LRRN2: variants seen among roughly 807,000 people sequenced by gnomAD.
LRRN2 encodes leucine-rich repeat neuronal protein 2.
In LRRN2, 10 loss-of-function variants were observed where a neutral mutation model predicts 35.7. That is an observed-to-expected ratio of 0.28 (90% CI 0.17 to 0.47). The LOEUF (loss-of-function observed/expected upper bound fraction) is 0.47, where lower values mean the gene tolerates loss of function less well. LRRN2 is among the 20% of genes least tolerant of loss of function. LRRN2 has a pLI of 0.99. For missense variants in LRRN2, 731 were observed against 940.3 expected (o/e 0.78, Z 2.91); for synonymous variants, 391 against 409.6 (o/e 0.95, Z 0.55).
At chr1:204,630,811 T>G (rs1255736143) in intron 1 of LRRN2, among the ~76,000 whole-genome samples, 1 of 152,044 alleles carries the variant, frequency 6.6e-6, no homozygotes, top group African/African-American at 2.4e-5. Context: ...CAGAGGCTGC[T>G]TCCTGCCTTC....
intron 1 of LRRN2, among the ~76,000 whole-genome samples, chr1:204,659,985 C>T (rs765789225): frequency 2.6e-5 from 4 of 152,168 alleles, no homozygotes; most frequent in Non-Finnish European, 4.4e-5. Context: ...TATTGGTTTG[C>T]CCCATTCACT....
intron 1 of LRRN2, among the ~76,000 whole-genome samples, chr1:204,659,446 G>A (rs767520310): frequency 6.6e-6 from 1 of 152,170 alleles, no homozygotes; most frequent in Non-Finnish European, 1.5e-5. Context: ...CTCCAGCTCA[G>A]AGGAGGAGGA....
At chr1:204,635,889 C>T (rs971433283) in intron 1 of LRRN2, among the ~76,000 whole-genome samples, 20 of 152,208 alleles carry the variant, frequency 1.3e-4, no homozygotes, top group African/African-American at 4.8e-4. Flanking sequence ...GGACGAGCAT[C>T]GCTGCAGGGA....
At chr1:204,625,876 T>G (rs939721875) in intron 1 of LRRN2, among the ~76,000 whole-genome samples, 53 of 152,172 alleles carry the variant, frequency 3.5e-4, no homozygotes, top group Non-Finnish European at 4.7e-4. Context: ...CTTTCTAGAG[T>G]TCCCGTATCT....
chr1:204,652,814 A>G (rs1668264455), intron 1 of LRRN2, among the ~76,000 whole-genome samples: 1 of 152,220 alleles, frequency 6.6e-6, no homozygotes. Context: ...CAATGCAGGC[A>G]GCTGGGTCTG....
chr1:204,661,158 G>T (rs1668463993), intron 1 of LRRN2, among the ~76,000 whole-genome samples: 1 of 152,196 alleles, frequency 6.6e-6, no homozygotes, highest in Non-Finnish European at 1.5e-5. Flanking sequence ...TGGAAGAGGA[G>T]TTGTTTGTAC....
At position 204,618,799 on chromosome 1, in the gene LRRN2, C is replaced by A; in HGVS notation, c.1194G>T (p.Ala398=). ...GGAGGCGCTGGAGGTCCGGAGGCTC[C>A]GCACACAGGGTGGATTGCGGCTCGA... is the stretch of plus-strand genomic sequence containing the variant. ...RFIEPQSTLC[A]EPPDLQRLPV... is the part of the protein sequence containing the mutation. Residue 398 remains alanine (A), a synonymous_variant, in exon 2 of 2, where the codon GCG becomes GCT. Transcript: ENST00000367177. 1 of 1,614,058 alleles carries A rather than the reference C, an allele frequency of 6.2e-7. No individual in the cohort carries two copies. Among genetic ancestry groups the A allele is most frequent in the Non-Finnish European group, 8.5e-7 (1 of 1,180,026 alleles).
At chr1:204,658,047 G>A (rs1331401110) in intron 1 of LRRN2, among the ~76,000 whole-genome samples, 2 of 139,410 alleles carry the variant, frequency 1.4e-5, no homozygotes, top group African/African-American at 2.7e-5. Flanking sequence ...GCGTAATCTC[G>A]GCTCACTGTA....
intron 1 of LRRN2, among the ~76,000 whole-genome samples, chr1:204,684,985 G>T (rs1033838227): frequency 6.6e-6 from 1 of 152,190 alleles, no homozygotes. Context: ...CAGTTTGGGG[G>T]AGGTTCTGGC....
chr1:204,684,954 G>A (rs1003738294), intron 1 of LRRN2, among the ~76,000 whole-genome samples: 1 of 152,198 alleles, frequency 6.6e-6, no homozygotes, highest in African/African-American at 2.4e-5. Flanking sequence ...CACATCTCCA[G>A]GGCCCCACTC....
At chr1:204,672,089 A>G (rs1447805321) in intron 1 of LRRN2, among the ~76,000 whole-genome samples, 1 of 152,220 alleles carries the variant, frequency 6.6e-6, no homozygotes, top group Admixed American at 6.5e-5. Context: ...AGTGGGGAGG[A>G]TGTCGCCTTA....
At chr1:204,647,626 G>A (rs1266849220) in intron 1 of LRRN2, among the ~76,000 whole-genome samples, 1 of 152,204 alleles carries the variant, frequency 6.6e-6, no homozygotes, top group African/African-American at 2.4e-5. Context: ...GCCCAAAGGA[G>A]AAGGGCTGGT....
intron 1 of LRRN2, among the ~76,000 whole-genome samples, chr1:204,676,142 G>GTGTGTGTGTA (rs1320237492): frequency 3.1e-4 from 2 of 6,358 alleles, no homozygotes; most frequent in African/African-American, 3.7e-4. Context: ...ATGGAGCCGT[G>GTGTGTGTGTA]TGTGTGTGTG....
At chr1:204,624,755 ACCCC>A (rs11306645) in intron 1 of LRRN2, among the ~76,000 whole-genome samples, 1 of 107,532 alleles carries the variant, frequency 9.3e-6, no homozygotes, top group South Asian at 3.2e-4. Flanking sequence ...TTCCCCCCCC[ACCCC>A]CCCCCCCGGG....
chr1:204,618,386 G>A lies in LRRN2; in HGVS notation c.1607C>T (p.Thr536Ile), dbSNP rs762004882. ...GQGLELRVQE[T>I]HPYHILLSWV... ...AGATAGCAGGATGTGATAGGGGTGG[G>A]TCTCCTGCACCCGGAGCTCCAGCCC... The change falls in exon 2 of 2, where the codon ACC (threonine) becomes ATC (isoleucine). Residue 536 changes from threonine (T) to isoleucine (I), a missense_variant. By Grantham distance (89) the Thr-to-Ile change is moderately conservative. This residue lies in a region of LRRN2 where 229 missense variants were observed against 258.4 expected (regional missense o/e 0.89). Coordinates refer to ENST00000367177, the MANE Select transcript of LRRN2 (RefSeq NM_201630.2). The A allele has an allele frequency of 6.2e-7, 1 of 1,610,784 alleles. No individual in the cohort carries two copies. The highest frequency in any genetic ancestry group is 1.1e-5 in the South Asian group (1 of 90,730).
chr1:204,643,576 G>A (rs1487454872), intron 1 of LRRN2, among the ~76,000 whole-genome samples: 8 of 152,062 alleles, frequency 5.3e-5, no homozygotes, highest in Admixed American at 3.9e-4. Context: ...GGGTGCAGCC[G>A]AAACAGAATC....
chr1:204,634,021 C>T (rs1471894208), intron 1 of LRRN2, among the ~76,000 whole-genome samples: 3 of 152,244 alleles, frequency 2.0e-5, no homozygotes, highest in Non-Finnish European at 4.4e-5. Flanking sequence ...GAAATGCTTC[C>T]ATCTGTGATC....
intron 1 of LRRN2, among the ~76,000 whole-genome samples, chr1:204,670,267 T>C (rs547115283): frequency 4.4e-4 from 67 of 152,164 alleles, no homozygotes; most frequent in African/African-American, 1.6e-3. Context: ...AGGGAAGAGC[T>C]GACAGTGACT....
intron 1 of LRRN2, among the ~76,000 whole-genome samples, chr1:204,672,025 G>A (rs16854102): frequency 0.017 from 2,601 of 152,336 alleles, 73 homozygotes; most frequent in African/African-American, 0.055. Context: ...AGGTCTATGG[G>A]CACACGCCAA....
Sources: allele counts gnomAD v4.1 joint callset (sites outside exome capture counted in the v4.1 genomes callset), GRCh38; gene constraint gnomAD v4.1.1; regional missense constraint gnomAD v4.1.1; transcripts MANE v1.5; gene names NCBI Gene and HGNC (gene_info 2026-07-23, HGNC 2026-07-21).